The following POLR1G variants were observed in gnomAD, a reference collection of about 807,000 sequenced individuals.
The protein encoded by POLR1G is RNA polymerase I subunit G.
A neutral mutation model predicts 6.3 loss-of-function variants in POLR1G; 9 were observed. That is an observed-to-expected ratio of 1.44 (90% confidence interval 0.87 to 2.51). POLR1G has a LOEUF of 2.51. Among genes scored for constraint, POLR1G ranks in the 30% most tolerant of loss-of-function variants. POLR1G has a pLI of 0.00. For synonymous variants in POLR1G, 248 were observed against 256.5 expected, an observed-to-expected ratio of 0.97 and a Z score of 0.32; for missense variants, 617 against 632.5, an observed-to-expected ratio of 0.98 and a Z score of 0.26.
chr19:45,408,456 C>T lies in POLR1G; in HGVS notation c.488C>T (p.Ser163Leu). 1.9e-6 allele frequency: 3 copies of T among 1,613,934 alleles called. No individual in the cohort carries two copies. The Middle Eastern group carries it at 4.9e-4, about 266-fold the overall frequency. Residue 163 changes from serine to leucine, a missense_variant, in exon 3 of 3, where the codon TCA becomes TTA. Coordinates refer to ENST00000309424, the MANE Select transcript of POLR1G (RefSeq NM_012099.3). ...GGNPPVTGPR[S>L]ALAPNLLTSG... ...AACCCACCAGTCACAGGGCCTAGGT[C>T]AGCCTTGGCCCCCAACCTGCTCACC...
Position 45,409,819 on chromosome 19 carries a change from C to T in POLR1G, c.*318C>T, listed in dbSNP as rs1973578834. On this transcript the variant is annotated 3_prime_UTR_variant, in exon 3 of 3. Transcript: ENST00000309424. The stretch of plus-strand genomic sequence containing the variant: ...TGGGGTTTTGGTTCTTTATTTTCCC[C>T]TATACCCTCAAGCATTTATCCATTG... 1 of 714,776 alleles carries T rather than the reference C, an allele frequency of 1.4e-6. No homozygotes were observed. Among genetic ancestry groups the T allele is most frequent in the Non-Finnish European group, 2.6e-6 (1 of 384,294 alleles). 44.3% of individuals were successfully genotyped at this position (714,776 alleles called of 1,614,324 possible). A position where few individuals can be genotyped will look rare whatever the true frequency, so the allele number is the denominator to read the frequency against.
At chr19:45,408,070 A>C (rs1973453966) in intron 2 of POLR1G, 63 bp from the exon 3 acceptor site, 1 of 1,506,618 alleles carries the variant, frequency 6.6e-7, no homozygotes, top group Non-Finnish European at 8.8e-7. Flanking sequence ...ACAAAAAAAA[A>C]ATCAAAAAAC....
In POLR1G at chr19:45,409,473, G is replaced by GGAA. The variant is rs759287808; in HGVS notation, c.1507_1509dup (p.Lys503dup). The GGAA allele has an allele frequency of 8.7e-6, 14 of 1,610,350 alleles. No homozygotes were observed. The highest frequency in any genetic ancestry group is 8.4e-5 in the Admixed American group (5 of 59,498). On this transcript the variant is annotated inframe_insertion, in exon 3 of 3. Coordinates refer to ENST00000309424, the MANE Select transcript of POLR1G (RefSeq NM_012099.3). ...GCTCCCACAGGCCGGGACAAGAAGC[G>GGAA]GAAGCAGCAGCAGCAGCAGCCTGTG...
chr19:45,408,003 G>A lies in POLR1G; in HGVS notation c.165-130G>A, dbSNP rs1017353870. ...CAGGAGGTGGACATTGCAGTGAGCC[G>A]AGATCATGCCACTGCACTCCAGCCT... is the stretch of plus-strand genomic sequence containing the variant. On this transcript the variant is annotated intron_variant, in intron 2 of 2. Transcript: ENST00000309424. The A allele has an allele frequency of 1.3e-4, 159 of 1,239,706 alleles. No homozygotes were observed. The African/African-American group carries it at 2.0e-3, about 16-fold the overall frequency. 76.8% of individuals were successfully genotyped at this position (1,239,706 alleles called of 1,614,324 possible).
Position 45,409,376 on chromosome 19 carries a change from A to C in POLR1G, c.1408A>C (p.Ser470Arg). 6.2e-7 allele frequency: 1 copy of C among 1,614,106 alleles called. No individual in the cohort carries two copies. The highest frequency in any genetic ancestry group is 8.5e-7 in the Non-Finnish European group (1 of 1,180,016). Residue 470 changes from serine (S) to arginine (R), a missense_variant, in exon 3 of 3, where the codon AGC (serine) becomes CGC (arginine). Coordinates refer to ENST00000309424, the MANE Select transcript of POLR1G (RefSeq NM_012099.3). ...GAAGAGGAAGAAGCAGAGTCAGGAA[A>C]GCCGGATGCCAGAGACAGTGCCCCA... ...TKKRKKQSQESRMPETVPQEE... is the reference protein window; with the variant it reads ...TKKRKKQSQERRMPETVPQEE...
chr19:45,409,819 CT>C lies in POLR1G; in HGVS notation c.*319del. The C allele has an allele frequency of 1.1e-5, 8 of 714,776 alleles. No homozygotes were observed. Among genetic ancestry groups the C allele is most frequent in the Non-Finnish European group, 1.8e-5 (7 of 384,294 alleles). The allele number at this position is 714,776 out of a possible 1,614,324, so 44.3% of individuals were successfully genotyped here. A position where few individuals can be genotyped will look rare whatever the true frequency, so the allele number is the denominator to read the frequency against. On this transcript the variant is annotated 3_prime_UTR_variant, in exon 3 of 3. Transcript: ENST00000309424. ...TGGGGTTTTGGTTCTTTATTTTCCCCTATACCCTCAAGCATTTATCCATTGA... is the reference window on the plus strand; with the variant it reads ...TGGGGTTTTGGTTCTTTATTTTCCCCATACCCTCAAGCATTTATCCATTGA...
intron 2 of POLR1G, chr19:45,407,928 C>A: frequency 1.8e-6 from 1 of 541,278 alleles, no homozygotes. Context: ...GTGGCAGGTG[C>A]CTGTAATCCC....
Position 45,408,468 on chromosome 19 carries a change from C to T in POLR1G, c.500C>T (p.Pro167Leu), listed in dbSNP as rs989012744. Residue 167 changes from proline to leucine, a missense_variant, in exon 3 of 3, where the codon CCC becomes CTC. Coordinates refer to ENST00000309424, the MANE Select transcript of POLR1G (RefSeq NM_012099.3). ...ACAGGGCCTAGGTCAGCCTTGGCCC[C>T]CAACCTGCTCACCTCAGGGAAGAAG... is the stretch of plus-strand genomic sequence containing the variant. ...PVTGPRSALA[P>L]NLLTSGKKKK... is the part of the protein sequence containing the mutation. 6.2e-7 allele frequency: 1 copy of T among 1,613,942 alleles called. No individual in the cohort carries two copies.
Position 45,408,569 on chromosome 19 carries a change from A to G in POLR1G, c.601A>G (p.Met201Val), listed in dbSNP as rs761260808. 6.2e-6 allele frequency: 10 copies of G among 1,613,848 alleles called. No individual in the cohort carries two copies. The highest frequency in any genetic ancestry group is 7.6e-6 in the Non-Finnish European group (9 of 1,180,010). Residue 201 changes from methionine to valine, a missense_variant, in exon 3 of 3, where the codon ATG (methionine) becomes GTG (valine). Coordinates refer to ENST00000309424, the MANE Select transcript of POLR1G (RefSeq NM_012099.3). ...TGGGCACGGGGCCCTGGAGGTGGAC[A>G]TGGCTTTGGGGTCGCCAGAAATGGA... ...VNGHGALEVDMALGSPEMDVR... is the reference protein window; with the variant it reads ...VNGHGALEVDVALGSPEMDVR...
In POLR1G at chr19:45,408,148, T is replaced by C. The variant is rs780867630; in HGVS notation, c.180T>C (p.His60=). The change falls in exon 3 of 3, where the codon CAT becomes CAC. Residue 60 remains histidine (H), a synonymous_variant. Coordinates refer to ENST00000309424, the MANE Select transcript of POLR1G (RefSeq NM_012099.3). ...CTCTCTGTAGCTTCAATGGGCGGCA[T>C]GTGCCTCTCTCTGGCTCCCAGATCG... ...DFAPECFNGR[H]VPLSGSQIVK... is the part of the protein sequence containing the mutation. The C allele has an allele frequency of 5.0e-6, 8 of 1,602,002 alleles. No homozygotes were observed. The Admixed American group carries it at 1.0e-4, about 20-fold the overall frequency.
At position 45,409,535 on chromosome 19, in the gene POLR1G, C is replaced by A. The variant is rs1973557953; in HGVS notation, c.*34C>A. On this transcript the variant is annotated 3_prime_UTR_variant, in exon 3 of 3. Transcript: ENST00000309424. ...CGGGAAACTGAGGAACTAAAGAAAG[C>A]TGAAGGTGCCCACCTGGGCCACCAG... is the stretch of plus-strand genomic sequence containing the variant. The A allele has an allele frequency of 6.3e-7, 1 of 1,579,410 alleles. No individual in the cohort carries two copies. Among genetic ancestry groups the A allele is most frequent in the Non-Finnish European group, 8.6e-7 (1 of 1,163,424 alleles).
intron 2 of POLR1G, 27 bp from the exon 3 acceptor site, chr19:45,408,106 C>G (rs1295783786): frequency 6.4e-7 from 1 of 1,566,652 alleles, no homozygotes; most frequent in African/African-American, 1.4e-5. Context: ...CCACTTAAGC[C>G]TCTGCCCTCC....
Position 45,407,995 on chromosome 19 carries a change from A to C in POLR1G, c.165-138A>C, listed in dbSNP as rs183074620. The C allele has an allele frequency of 2.5e-5, 28 of 1,126,306 alleles. No homozygotes were observed. In the Admixed American group the frequency reaches 3.2e-4, roughly 13 times the overall value. The allele number at this position is 1,126,306 out of a possible 1,614,324, so 69.8% of individuals were successfully genotyped here. ...CTTGAACCCAGGAGGTGGACATTGCAGTGAGCCGAGATCATGCCACTGCAC... is the reference window on the plus strand; with the variant it reads ...CTTGAACCCAGGAGGTGGACATTGCCGTGAGCCGAGATCATGCCACTGCAC... On this transcript the variant is annotated intron_variant, in intron 2 of 2. Coordinates refer to ENST00000309424, the MANE Select transcript of POLR1G (RefSeq NM_012099.3).
chr19:45,408,985 G>C lies in POLR1G; in HGVS notation c.1017G>C (p.Met339Ile), dbSNP rs1361608949. Residue 339 changes from methionine to isoleucine, a missense_variant, in exon 3 of 3, where the codon ATG (methionine) becomes ATC (isoleucine). Transcript: ENST00000309424. ...KRKKEKGQMA[M>I]MEPGTEAMEP... Reference sequence around the variant, plus strand: ...AAAAAGAAAAGGGACAGATGGCAATGATGGAGCCAGGGACGGAGGCGATGG... The same window carrying C: ...AAAAAGAAAAGGGACAGATGGCAATCATGGAGCCAGGGACGGAGGCGATGG... The C allele has an allele frequency of 6.2e-7, 1 of 1,614,112 alleles. No homozygotes were observed. The highest frequency in any genetic ancestry group is 8.5e-7 in the Non-Finnish European group (1 of 1,180,026).
chr19:45,409,897 T>TATTATTA lies in POLR1G; in HGVS notation c.*396_*397insATTATTA, dbSNP rs59818252. 281 of 235,976 alleles carry TATTATTA rather than the reference T, an allele frequency of 1.2e-3. 1 individual carries two copies. Among genetic ancestry groups the TATTATTA allele is most frequent in the African/African-American group, 8.3e-3 (263 of 31,754 alleles). The allele number at this position is 235,976 out of a possible 1,614,324, so 14.6% of individuals were successfully genotyped here. ...TTTAAGTTATTATTATTATTATTAT[T>TATTATTA]TTTTTTTTTTTTGAGATGGAGTCTC... is the stretch of plus-strand genomic sequence containing the variant. On this transcript the variant is annotated 3_prime_UTR_variant, in exon 3 of 3. Coordinates refer to ENST00000309424, the MANE Select transcript of POLR1G (RefSeq NM_012099.3).
rs2123435955 is a variant in POLR1G at position 45,409,462 on chromosome 19, G to A, written c.1494G>A (p.Arg498=). Reference sequence around the variant, plus strand: ...CTGGGGAGGAGGCTCCCACAGGCCGGGACAAGAAGCGGAAGCAGCAGCAGC... The same window carrying A: ...CTGGGGAGGAGGCTCCCACAGGCCGAGACAAGAAGCGGAAGCAGCAGCAGC... The part of the protein sequence containing the change: ...SESGEEAPTG[R]DKKRKQQQQQ... The change falls in exon 3 of 3, where the codon CGG becomes CGA. Residue 498 remains arginine, a synonymous_variant. Transcript: ENST00000309424. The A allele has an allele frequency of 6.2e-7, 1 of 1,612,532 alleles. No homozygotes were observed. The highest frequency in any genetic ancestry group is 8.5e-7 in the Non-Finnish European group (1 of 1,179,764).
rs768000297 is a variant in POLR1G, at chr19:45,408,738, A to C, written c.770A>C (p.Lys257Thr). The C allele has an allele frequency of 4.3e-6, 7 of 1,613,930 alleles. No homozygotes were observed. Among genetic ancestry groups the C allele is most frequent in the Non-Finnish European group, 5.9e-6 (7 of 1,179,974 alleles). The change falls in exon 3 of 3, where the codon AAA (lysine) becomes ACA (threonine). Residue 257 changes from lysine (K) to threonine (T), a missense_variant. Physicochemically the swap from Lys to Thr is moderately conservative, Grantham distance 78. Transcript: ENST00000309424. ...ACCACCAAGAAGAGGAAGAAGCCCA[A>C]AGGGAAAGAAACCTTCGAGCCAGAA... ...PSTTKKRKKP[K>T]GKETFEPEDK... is the part of the protein sequence containing the mutation.
chr19:45,408,243 C>T lies in POLR1G; in HGVS notation c.275C>T (p.Ala92Val), dbSNP rs752189100. Reference sequence around the variant, plus strand: ...AGCAGCTGTCCCCAAGCTGGAGAAGCGACCCTGCTGGCCCCCTCAACGGAG... The same window carrying T: ...AGCAGCTGTCCCCAAGCTGGAGAAGTGACCCTGCTGGCCCCCTCAACGGAG... Reference protein sequence around the residue: ...VLSSCPQAGEATLLAPSTEAG... With the variant: ...VLSSCPQAGEVTLLAPSTEAG... The change falls in exon 3 of 3, where the codon GCG becomes GTG. Residue 92 changes from alanine (A) to valine (V), a missense_variant. Physicochemically the swap from Ala to Val is moderately conservative, Grantham distance 64. Transcript: ENST00000309424. 147 of 1,614,014 alleles carry T rather than the reference C, an allele frequency of 9.1e-5. No individual in the cohort carries two copies. The highest frequency in any genetic ancestry group is 3.3e-4 in the Middle Eastern group (2 of 6,084).
In POLR1G at chr19:45,408,322, T is replaced by C; in HGVS notation, c.354T>C (p.Leu118=). 6.2e-7 allele frequency: 1 copy of C among 1,610,100 alleles called. No homozygotes were observed. Among genetic ancestry groups the C allele is most frequent in the East Asian group, 2.2e-5 (1 of 44,766 alleles). The change falls in exon 3 of 3, where the codon CTT becomes CTC. Residue 118 remains leucine, a synonymous_variant. Transcript: ENST00000309424. ...ASAPQGTLRI[L]EGPQQSLSGS... is the part of the protein sequence containing the mutation. ...CCCCCCAGGGCACCCTAAGGATCCT[T>C]GAGGGTCCCCAGCAATCCCTGTCAG... is the stretch of plus-strand genomic sequence containing the variant.
Sources: gnomAD v4.1 joint callset for allele counts on GRCh38, gnomAD v4.1.1 for gene constraint, MANE v1.5 for transcripts, NCBI Gene and HGNC (gene_info 2026-07-23, HGNC 2026-07-21) for gene names.